DPYD: variants seen among roughly 807,000 people sequenced by gnomAD.
DPYD encodes the protein dihydropyrimidine dehydrogenase [NADP(+)].
In DPYD, 109 loss-of-function variants were observed where a neutral mutation model predicts 116.2. That is an observed-to-expected ratio of 0.94 (90% CI 0.80 to 1.10). DPYD has a LOEUF of 1.10. Among genes scored for constraint, DPYD ranks in the 50% least tolerant of loss-of-function variants. The pLI, the probability that DPYD is intolerant of heterozygous loss-of-function variation, is 0.00. For missense variants in DPYD, 1,302 were observed against 1,254.5 expected (o/e 1.04, Z -0.57); for synonymous variants, 440 against 432.0 (o/e 1.02, Z -0.23).
At position 97,354,220 on chromosome 1, in the gene DPYD, T is replaced by C. The variant is rs755184059; in HGVS notation, c.2058+19341A>G. On this transcript the variant is annotated intron_variant, in intron 16 of 22. Transcript: ENST00000370192. The stretch of plus-strand genomic sequence containing the variant: ...ACCGTTCGCCATTTGGTCATAGGCA[T>C]AGAGACAGCTGAAAAGTGCATCCCT... Among the ~76,000 whole-genome samples the C allele has an allele frequency of 7.4e-4, 113 of 152,282 alleles. 1 individual carries two copies. Among genetic ancestry groups the C allele is most frequent in the African/African-American group, 1.0e-3 (43 of 41,560 alleles).
chr1:97,439,164 T>C (rs1011286057), intron 14 of DPYD, among the ~76,000 whole-genome samples: 1 of 152,142 alleles, frequency 6.6e-6, no homozygotes, highest in African/African-American at 2.4e-5. Context: ...ATTATCACTA[T>C]TTAGTTTATA....
chr1:97,315,544 G>A (rs1043192624), intron 16 of DPYD, among the ~76,000 whole-genome samples: 1 of 151,842 alleles, frequency 6.6e-6, no homozygotes, highest in Non-Finnish European at 1.5e-5. Flanking sequence ...TCTGATTCCT[G>A]GAGGACTCAA....
intron 18 of DPYD, among the ~76,000 whole-genome samples, chr1:97,282,926 G>A (rs1399641678): frequency 1.3e-5 from 2 of 152,082 alleles, no homozygotes. Context: ...GTATTCCATG[G>A]TGTTTATATA....
chr1:97,169,662 C>A (rs879832257), intron 20 of DPYD, among the ~76,000 whole-genome samples: 19 of 152,042 alleles, frequency 1.2e-4, no homozygotes, highest in Non-Finnish European at 2.5e-4. Flanking sequence ...ATAGACTCTA[C>A]TAGCAACCTG....
At chr1:97,439,997 C>T (rs537652532) in intron 14 of DPYD, among the ~76,000 whole-genome samples, 3 of 151,504 alleles carry the variant, frequency 2.0e-5, no homozygotes, top group East Asian at 1.9e-4. Flanking sequence ...TATTTTCGGC[C>T]GGGCGCGGTG....
chr1:97,826,046 A>G (rs200250262), intron 3 of DPYD, among the ~76,000 whole-genome samples: 1 of 113,990 alleles, frequency 8.8e-6, no homozygotes, highest in Admixed American at 9.1e-5. Flanking sequence ...GTGTGTGTGT[A>G]AGTAAAATGT....
At chr1:97,485,787 G>C (rs1678599899) in intron 13 of DPYD, among the ~76,000 whole-genome samples, 1 of 152,144 alleles carries the variant, frequency 6.6e-6, no homozygotes, top group South Asian at 2.1e-4. Context: ...GATAGTTTCA[G>C]ATATCTGCAG....
intron 8 of DPYD, among the ~76,000 whole-genome samples, chr1:97,663,680 T>C (rs540435718): frequency 6.6e-6 from 1 of 152,212 alleles, no homozygotes; most frequent in Non-Finnish European, 1.5e-5. Context: ...AAACACTCAA[T>C]AACTACAGAT....
chr1:97,742,732 T>C (rs1664336846), intron 3 of DPYD, among the ~76,000 whole-genome samples: 1 of 152,178 alleles, frequency 6.6e-6, no homozygotes, highest in Non-Finnish European at 1.5e-5. Context: ...ATACTGAGCA[T>C]TAATAGTGGT....
intron 2 of DPYD, among the ~76,000 whole-genome samples, chr1:97,866,201 A>T (rs1671368952): frequency 6.6e-6 from 1 of 151,966 alleles, no homozygotes; most frequent in African/African-American, 2.4e-5. Context: ...CTTGCCATAG[A>T]CTTTGAAGTG....
At chr1:97,624,605 C>A (rs1290677290) in intron 8 of DPYD, among the ~76,000 whole-genome samples, 1 of 151,954 alleles carries the variant, frequency 6.6e-6, no homozygotes, top group African/African-American at 2.4e-5. Context: ...CCAGAAATCC[C>A]ACTTCTGGGT....
intron 20 of DPYD, among the ~76,000 whole-genome samples, chr1:97,130,338 T>A (rs532438570): frequency 1.3e-5 from 2 of 152,148 alleles, no homozygotes; most frequent in Non-Finnish European, 2.9e-5. Flanking sequence ...ACAAAGTATC[T>A]TCTTTGTATG....
intron 13 of DPYD, among the ~76,000 whole-genome samples, chr1:97,461,174 T>G (rs953341677): frequency 6.6e-6 from 1 of 152,200 alleles, no homozygotes; most frequent in African/African-American, 2.4e-5. Flanking sequence ...TTCTATTGCT[T>G]GTGCTGCCAC....
chr1:97,652,273 C>T (rs534579377), intron 8 of DPYD, among the ~76,000 whole-genome samples: 1 of 152,272 alleles, frequency 6.6e-6, no homozygotes, highest in African/African-American at 2.4e-5. Context: ...TATTCATCCT[C>T]TTTGACTAAC....
chr1:97,465,508 CG>C (rs1677267547), intron 13 of DPYD, among the ~76,000 whole-genome samples: 1 of 152,040 alleles, frequency 6.6e-6, no homozygotes. Flanking sequence ...AAATGAATCA[CG>C]GGGGTAAGTC....
intron 3 of DPYD, among the ~76,000 whole-genome samples, chr1:97,806,987 G>T (rs1394791328): frequency 2.0e-5 from 3 of 151,888 alleles, no homozygotes; most frequent in Admixed American, 6.6e-5. Flanking sequence ...TCTCTGACCT[G>T]ATAGCTCATT....
chr1:97,754,229 G>T (rs1665095143), intron 3 of DPYD, among the ~76,000 whole-genome samples: 2 of 152,048 alleles, frequency 1.3e-5, no homozygotes, highest in Admixed American at 6.6e-5. Flanking sequence ...ATATGAAGAT[G>T]ACCTATTCAT....
chr1:97,849,054 C>T (rs1670449296), intron 2 of DPYD, among the ~76,000 whole-genome samples: 1 of 151,860 alleles, frequency 6.6e-6, no homozygotes. Flanking sequence ...ACAAAAAAAG[C>T]CCTGTATAAA....
intron 13 of DPYD, among the ~76,000 whole-genome samples, chr1:97,465,559 A>C (rs924774695): frequency 7.9e-5 from 12 of 152,238 alleles, no homozygotes; most frequent in Admixed American, 7.8e-4. Context: ...AAATCTCATG[A>C]GATCTGATGG....
Sources: gnomAD v4.1 joint callset for allele counts (sites outside exome capture counted in the v4.1 genomes callset) on GRCh38, gnomAD v4.1.1 for gene constraint, MANE v1.5 for transcripts, NCBI Gene and HGNC (gene_info 2026-07-23, HGNC 2026-07-21) for gene names.